Variants in B3GAT2 observed in about 807,000 individuals in gnomAD.
B3GAT2 encodes galactosylgalactosylxylosylprotein 3-beta-glucuronosyltransferase 2.
In B3GAT2, 26 loss-of-function variants were observed where a neutral mutation model predicts 27.8. That is an observed-to-expected ratio of 0.93 (90% confidence interval 0.68 to 1.30). B3GAT2 has a LOEUF of 1.30. Among genes scored for constraint, B3GAT2 ranks in the 50% most tolerant of loss-of-function variants. The pLI is 0.00. For missense variants in B3GAT2, 458 were observed against 459.0 expected (o/e 1.00, Z 0.02); for synonymous variants, 218 against 195.1 (o/e 1.12, Z -0.98).
chr6:70,929,970 C>T (rs1290935703), intron 1 of B3GAT2, among the ~76,000 whole-genome samples: 1 of 152,162 alleles, frequency 6.6e-6, no homozygotes, highest in Non-Finnish European at 1.5e-5. Flanking sequence ...AACCAAATAG[C>T]ATGGTACTGA....
At chr6:70,872,027 T>C (rs1771946541) in intron 2 of B3GAT2, among the ~76,000 whole-genome samples, 1 of 151,996 alleles carries the variant, frequency 6.6e-6, no homozygotes, top group East Asian at 1.9e-4. Flanking sequence ...CTGGTATTAA[T>C]TTCTGATTTC....
chr6:70,874,519 C>G (rs1243753864), intron 2 of B3GAT2, among the ~76,000 whole-genome samples: 1 of 152,194 alleles, frequency 6.6e-6, no homozygotes, highest in African/African-American at 2.4e-5. Flanking sequence ...TAAGGATTTT[C>G]TTGAACAAGC....
In B3GAT2 at chr6:70,856,850, T is replaced by G. The variant is rs1771445799; in HGVS notation, c.*4813A>C. 6.3e-7 allele frequency: 1 copy of G among 1,591,742 alleles called. No individual in the cohort carries two copies. Among genetic ancestry groups the G allele is most frequent in the Admixed American group, 1.8e-5 (1 of 56,066 alleles). On this transcript the variant is annotated 3_prime_UTR_variant, in exon 4 of 4. Coordinates refer to ENST00000230053, the MANE Select transcript of B3GAT2 (RefSeq NM_080742.3). ...AGAATTTGATAGCTTATTTTGGTGT[T>G]TGTCTCAGGGGACACCCTCTGCACC...
intron 1 of B3GAT2, among the ~76,000 whole-genome samples, chr6:70,931,680 G>A (rs117631909): frequency 3.3e-5 from 5 of 152,070 alleles, no homozygotes; most frequent in Non-Finnish European, 5.9e-5. Flanking sequence ...CCAACACCAC[G>A]TACAAAAGAG....
chr6:70,941,964 A>G (rs1358593096), intron 1 of B3GAT2, among the ~76,000 whole-genome samples: 1 of 152,164 alleles, frequency 6.6e-6, no homozygotes. Flanking sequence ...AGGTGCTCTA[A>G]AGGATCCACA....
At chr6:70,918,684 G>T (rs1006621144) in intron 1 of B3GAT2, among the ~76,000 whole-genome samples, 2 of 152,132 alleles carry the variant, frequency 1.3e-5, no homozygotes, top group Non-Finnish European at 2.9e-5. Flanking sequence ...GAAATTCTGG[G>T]TTAAAAATTC....
intron 1 of B3GAT2, among the ~76,000 whole-genome samples, chr6:70,933,057 C>T (rs1773085833): frequency 6.6e-6 from 1 of 152,130 alleles, no homozygotes; most frequent in African/African-American, 2.4e-5. Context: ...CCTGAGCCTC[C>T]CAAAGTGCTG....
intron 2 of B3GAT2, among the ~76,000 whole-genome samples, chr6:70,883,735 AT>A (rs1434535841): frequency 1.3e-5 from 2 of 152,218 alleles, no homozygotes; most frequent in African/African-American, 2.4e-5. Context: ...TGTTACGTAT[AT>A]TTCACCACAA....
At chr6:70,890,591 C>A (rs1033390208) in intron 2 of B3GAT2, among the ~76,000 whole-genome samples, 3 of 152,146 alleles carry the variant, frequency 2.0e-5, no homozygotes, top group Non-Finnish European at 4.4e-5. Context: ...GTCATTCTAG[C>A]AAATTAGCAA....
intron 2 of B3GAT2, 69 bp downstream of exon 2, chr6:70,894,059 G>T: frequency 7.1e-7 from 1 of 1,408,032 alleles, no homozygotes; most frequent in Non-Finnish European, 9.4e-7. Flanking sequence ...CCTTCATCTA[G>T]TGCATCGTTA....
At position 70,956,493 on chromosome 6, in the gene B3GAT2, AGCTT is replaced by A; in HGVS notation, c.-68_-65del. 6.5e-7 allele frequency: 1 copy of A among 1,545,960 alleles called. No individual in the cohort carries two copies. The highest frequency in any genetic ancestry group is 8.7e-7 in the Non-Finnish European group (1 of 1,145,342). Reference sequence around the variant, plus strand: ...GGCGAGCCGAGGGACCCCAGTGCGCAGCTTGGACAGCGGCGGCGCCAGCACTTAG... The same window carrying A: ...GGCGAGCCGAGGGACCCCAGTGCGCAGGACAGCGGCGGCGCCAGCACTTAG... On this transcript the variant is annotated 5_prime_UTR_variant, in exon 1 of 4. Coordinates refer to ENST00000230053, the MANE Select transcript of B3GAT2 (RefSeq NM_080742.3).
At chr6:70,926,308 C>G (rs1437211676) in intron 1 of B3GAT2, among the ~76,000 whole-genome samples, 2 of 152,176 alleles carry the variant, frequency 1.3e-5, no homozygotes, top group Non-Finnish European at 2.9e-5. Flanking sequence ...AGGAAGAAAG[C>G]TGGATGGAGA....
At chr6:70,918,169 G>C (rs540415494) in intron 1 of B3GAT2, among the ~76,000 whole-genome samples, 1 of 152,196 alleles carries the variant, frequency 6.6e-6, no homozygotes, top group South Asian at 2.1e-4. Flanking sequence ...GGCCTTCTTT[G>C]TCTCTTTTGA....
intron 1 of B3GAT2, among the ~76,000 whole-genome samples, chr6:70,954,915 C>CG (rs111472599): frequency 0.051 from 5,899 of 114,890 alleles, 523 homozygotes; most frequent in East Asian, 0.15. Flanking sequence ...CCGGGGGCGG[C>CG]GGGGGGGGGC....
chr6:70,888,336 G>A (rs1772224999), intron 2 of B3GAT2, among the ~76,000 whole-genome samples: 2 of 151,764 alleles, frequency 1.3e-5, no homozygotes, highest in South Asian at 2.1e-4. Context: ...CATAAATTAC[G>A]ACTCAAAGGA....
intron 2 of B3GAT2, among the ~76,000 whole-genome samples, chr6:70,893,656 CAAT>C (rs1368870556): frequency 1.3e-5 from 2 of 152,066 alleles, no homozygotes; most frequent in African/African-American, 4.8e-5. Flanking sequence ...TTAAATATAT[CAAT>C]AAAGCACTAA....
At position 70,859,700 on chromosome 6, in the gene B3GAT2, T is replaced by A; in HGVS notation, c.*1963A>T. On this transcript the variant is annotated 3_prime_UTR_variant, in exon 4 of 4. Transcript: ENST00000230053. ...AAATACATGTAATCTTATGCTTTAT[T>A]GCATACAATGAAAATAAATTTTAGA... 1 of 211,912 alleles carries A rather than the reference T, an allele frequency of 4.7e-6. No homozygotes were observed. Among genetic ancestry groups the A allele is most frequent in the Non-Finnish European group, 9.3e-6 (1 of 107,890 alleles). The allele number at this position is 211,912 out of a possible 1,614,324, so 13.1% of individuals were successfully genotyped here. A position where few individuals can be genotyped will look rare whatever the true frequency, so the allele number is the denominator to read the frequency against.
intron 1 of B3GAT2, among the ~76,000 whole-genome samples, chr6:70,921,433 G>C (rs1213110222): frequency 6.6e-6 from 1 of 152,150 alleles, no homozygotes; most frequent in Non-Finnish European, 1.5e-5. Flanking sequence ...TTCTTGTAGT[G>C]AGTTTTTCAG....
intron 1 of B3GAT2, among the ~76,000 whole-genome samples, chr6:70,895,767 T>A (rs1387300139): frequency 6.6e-6 from 1 of 152,062 alleles, no homozygotes; most frequent in Non-Finnish European, 1.5e-5. Context: ...TTTTTTATAA[T>A]CTCTTATCAT....
Sources: allele counts gnomAD v4.1 joint callset (sites outside exome capture counted in the v4.1 genomes callset), GRCh38; gene constraint gnomAD v4.1.1; transcripts MANE v1.5; gene names NCBI Gene and HGNC (gene_info 2026-07-23, HGNC 2026-07-21).